Variants in SLC30A8 observed in about 807,000 individuals in gnomAD.
SLC30A8 encodes the protein proton-coupled zinc antiporter SLC30A8.
Under a neutral mutation model 36.9 loss-of-function variants are expected in SLC30A8, and 27 were observed. The observed-to-expected ratio is 0.73, with a 90% CI of 0.54 to 1.01. The LOEUF is 1.01. SLC30A8 is among the 50% of genes least tolerant of loss of function. The pLI, the probability that SLC30A8 is intolerant of heterozygous loss-of-function variation, is 0.00. For missense variants in SLC30A8, 439 were observed against 452.0 expected (o/e 0.97, Z 0.26); for synonymous variants, 164 against 172.4 (o/e 0.95, Z 0.38).
At chr8:117,040,876 G>A (rs775519549) in intron 2 of SLC30A8, among the ~76,000 whole-genome samples, 9 of 152,124 alleles carry the variant, frequency 5.9e-5, no homozygotes, top group South Asian at 2.1e-4. Context: ...TCCTGAATTC[G>A]AATCTACATT....
chr8:117,097,594 T>C (rs868590352), intron 2 of SLC30A8, among the ~76,000 whole-genome samples: 4,198 of 92,632 alleles, frequency 0.045, 223 homozygotes, highest in African/African-American at 0.13. Context: ...TAATATATAT[T>C]ATATATAATA....
chr8:117,125,919 G>T (rs969202167), intron 2 of SLC30A8, among the ~76,000 whole-genome samples: 1 of 151,972 alleles, frequency 6.6e-6, no homozygotes, highest in African/African-American at 2.4e-5. Context: ...AATAGTATCT[G>T]TAATAAGAGG....
intron 1 of SLC30A8, among the ~76,000 whole-genome samples, chr8:117,036,562 T>G (rs550991698): frequency 5.9e-5 from 9 of 152,212 alleles, no homozygotes; most frequent in African/African-American, 9.6e-5. Flanking sequence ...GCTGGGAAAC[T>G]TCCAATCATG....
chr8:117,142,705 A>G (rs951339814), intron 1 of SLC30A8, among the ~76,000 whole-genome samples: 6 of 152,082 alleles, frequency 3.9e-5, no homozygotes, highest in Non-Finnish European at 7.4e-5. Context: ...TGCTGCTGAG[A>G]TATCACCTCC....
chr8:117,020,477 A>G (rs1816663492), intron 1 of SLC30A8, among the ~76,000 whole-genome samples: 1 of 152,200 alleles, frequency 6.6e-6, no homozygotes, highest in Admixed American at 6.5e-5. Context: ...ACTAATTATT[A>G]AAGTTAAACA....
In SLC30A8 at chr8:117,051,276, T is replaced by C. The variant is rs532305557; in HGVS notation, c.-226+12018T>C. On this transcript the variant is annotated intron_variant, in intron 2 of 10. Transcript: ENST00000427715. Reference sequence around the variant, plus strand: ...TTTGAGATTTATGGGGCCATTTTGGTTATCACAATGATGAGGAAGCTCTTA... The same window carrying C: ...TTTGAGATTTATGGGGCCATTTTGGCTATCACAATGATGAGGAAGCTCTTA... 2.6e-5 allele frequency among the ~76,000 whole-genome samples: 4 copies of C among 152,344 alleles called. No individual in the cohort carries two copies. In the South Asian group the frequency reaches 8.3e-4, roughly 32 times the overall value.
Position 116,957,267 on chromosome 8 carries a change from T to TTTATTTA in SLC30A8, c.-266+6154_-266+6155insATTATTT, listed in dbSNP as rs1814245228. On this transcript the variant is annotated intron_variant, in intron 1 of 10. Coordinates refer to the SLC30A8 transcript ENST00000427715. ...TATTATGGGCAGCACCATTCTTTTT[T>TTTATTTA]TTATTTTTTATTTTTTATTTTTTTT... Among the ~76,000 whole-genome samples the TTTATTTA allele has an allele frequency of 2.0e-5, 3 of 152,048 alleles. No homozygotes were observed. The South Asian group carries it at 6.2e-4, about 32-fold the overall frequency.
At chr8:116,958,322 C>T (rs1362907823) in intron 1 of SLC30A8, among the ~76,000 whole-genome samples, 1 of 137,864 alleles carries the variant, frequency 7.3e-6, no homozygotes, top group Non-Finnish European at 1.6e-5. Flanking sequence ...TTTTTAATGC[C>T]TGAATTATTT....
chr8:117,036,965 C>G (rs115137048), intron 1 of SLC30A8, among the ~76,000 whole-genome samples: 2,017 of 152,224 alleles, frequency 0.013, 48 homozygotes, highest in African/African-American at 0.046. Flanking sequence ...TTAGCCCTGC[C>G]TGGGATTAGA....
chr8:117,054,441 T>C (rs1394122888), intron 2 of SLC30A8, among the ~76,000 whole-genome samples: 1 of 152,126 alleles, frequency 6.6e-6, no homozygotes, highest in Admixed American at 6.5e-5. Flanking sequence ...CCCTGTGAGG[T>C]TGGAACATCA....
intron 1 of SLC30A8, among the ~76,000 whole-genome samples, chr8:117,021,958 G>C (rs908919790): frequency 6.7e-6 from 1 of 148,420 alleles, no homozygotes; most frequent in East Asian, 2.0e-4. Context: ...AGTCATATGG[G>C]AGAAAAAAAT....
chr8:117,131,960 C>T (rs1187844212), upstream of SLC30A8, among the ~76,000 whole-genome samples: 1 of 151,964 alleles, frequency 6.6e-6, no homozygotes, highest in Non-Finnish European at 1.5e-5. Flanking sequence ...CTAAAATTGT[C>T]TACCTAACTA....
At chr8:117,045,650 T>C (rs1817527356) in intron 2 of SLC30A8, among the ~76,000 whole-genome samples, 1 of 152,200 alleles carries the variant, frequency 6.6e-6, no homozygotes. Flanking sequence ...GTCCGTGACC[T>C]AGGTGGGCTG....
intron 1 of SLC30A8, among the ~76,000 whole-genome samples, chr8:117,016,404 G>C (rs1288601077): frequency 1.3e-5 from 2 of 152,312 alleles, no homozygotes; most frequent in East Asian, 3.9e-4. Flanking sequence ...ACTGCAGAAA[G>C]AGGAAAATCA....
At chr8:117,134,096 A>G (rs1442601267), upstream of SLC30A8, among the ~76,000 whole-genome samples, 1 of 151,942 alleles carries the variant, frequency 6.6e-6, no homozygotes, top group East Asian at 1.9e-4. Flanking sequence ...ATTGGCATTG[A>G]ACCCCATCCT....
At chr8:116,952,449 A>T (rs531575303) in intron 1 of SLC30A8, among the ~76,000 whole-genome samples, 1 of 148,788 alleles carries the variant, frequency 6.7e-6, no homozygotes, top group Non-Finnish European at 1.5e-5. Context: ...ACTACTTCCA[A>T]TTTTTTTTTT....
intron 2 of SLC30A8, among the ~76,000 whole-genome samples, chr8:117,072,592 C>G (rs1749296002): frequency 1.3e-5 from 2 of 152,092 alleles, no homozygotes; most frequent in African/African-American, 4.8e-5. Context: ...CTTTTTCTGA[C>G]TTTCCTTCAC....
chr8:116,952,294 G>A (rs1295101716), intron 1 of SLC30A8, among the ~76,000 whole-genome samples: 1 of 151,878 alleles, frequency 6.6e-6, no homozygotes, highest in African/African-American at 2.4e-5. Context: ...TAAGAGCCTG[G>A]GTAAACCATT....
chr8:117,053,618 C>T (rs1254680338), intron 2 of SLC30A8, among the ~76,000 whole-genome samples: 1 of 152,190 alleles, frequency 6.6e-6, no homozygotes, highest in East Asian at 1.9e-4. Flanking sequence ...CAGTGAGGCT[C>T]TGACAAGCAA....
Sources: allele counts gnomAD v4.1 joint callset (sites outside exome capture counted in the v4.1 genomes callset), GRCh38; gene constraint gnomAD v4.1.1; transcripts MANE v1.5; gene names NCBI Gene and HGNC (gene_info 2026-07-23, HGNC 2026-07-21).